Variants in NT5C3A observed in about 807,000 individuals in gnomAD.
NT5C3A encodes the protein 5'-nucleotidase, cytosolic IIIA.
In NT5C3A, 23 loss-of-function variants were observed where a neutral mutation model predicts 40.0. That is an observed-to-expected ratio of 0.58 (90% CI 0.41 to 0.81). The LOEUF (loss-of-function observed/expected upper bound fraction) is 0.81, where lower values mean the gene tolerates loss of function less well. NT5C3A is among the 40% of genes least tolerant of loss of function. NT5C3A has a pLI of 0.00. For missense variants in NT5C3A, 328 were observed against 403.0 expected (o/e 0.81, Z 1.59); for synonymous variants, 130 against 141.4 (o/e 0.92, Z 0.57).
chr7:33,041,621 T>C (rs72555727), intron 1 of NT5C3A, among the ~76,000 whole-genome samples: 41 of 152,312 alleles, frequency 2.7e-4, no homozygotes, highest in African/African-American at 9.6e-4. Context: ...TATTTTCTTA[T>C]ACTTTTAATA....
chr7:33,043,664 C>T (rs1310401420), intron 1 of NT5C3A, among the ~76,000 whole-genome samples: 1 of 152,068 alleles, frequency 6.6e-6, no homozygotes. Context: ...GTGTGCCTGT[C>T]CTGCTAGTCT....
intron 4 of NT5C3A, 29 bp downstream of exon 4, chr7:33,022,024 A>AGTGACTATAGATTGTT: frequency 1.5e-6 from 2 of 1,323,962 alleles, no homozygotes; most frequent in South Asian, 2.4e-5. Flanking sequence ...GAAGTCTTTG[A>AGTGACTATAGATTGTT]GTGACTATAG....
chr7:33,022,206 GC>G, intron 3 of NT5C3A, 107 bp from the exon 4 acceptor site: 2 of 686,704 alleles, frequency 2.9e-6, no homozygotes, highest in South Asian at 3.1e-5. Flanking sequence ...AATTACTTTT[GC>G]ACCAACCCAA....
chr7:33,021,341 T>G lies in NT5C3A; in HGVS notation c.371A>C (p.Glu124Ala). Residue 124 changes from glutamate to alanine, a missense_variant, in exon 5 of 9, where the codon GAA becomes GCA. Physicochemically the swap from Glu to Ala is moderately radical, Grantham distance 107. Transcript: ENST00000610140. ...ECRKKLLQLK[E>A]KYYAIEVDPV... The stretch of plus-strand genomic sequence containing the variant: ...ATCAACTTCAATAGCGTAATATTTT[T>G]CCTTTAGTTGCAATAACTAGGAAGA... The G allele has an allele frequency of 6.2e-7, 1 of 1,611,170 alleles. No homozygotes were observed. Among genetic ancestry groups the G allele is most frequent in the Non-Finnish European group, 8.5e-7 (1 of 1,178,098 alleles).
chr7:33,035,897 C>A lies in NT5C3A; in HGVS notation c.139-8982G>T, dbSNP rs1224163264. 7 of 1,533,668 alleles carry A rather than the reference C, an allele frequency of 4.6e-6. No individual in the cohort carries two copies. The African/African-American group carries it at 9.6e-5, about 21-fold the overall frequency. On this transcript the variant is annotated intron_variant, in intron 1 of 8. Transcript: ENST00000610140. The stretch of plus-strand genomic sequence containing the variant: ...AGAGGTAAAAGTGGTGAAGATTTAC[C>A]ATTAATAAATGGAACTGGAAATAGG...
chr7:33,047,070 T>C (rs965284140), intron 1 of NT5C3A, among the ~76,000 whole-genome samples: 2 of 151,462 alleles, frequency 1.3e-5, no homozygotes, highest in South Asian at 2.1e-4. Flanking sequence ...GCCTCCCGAA[T>C]CTTTTTATTT....
chr7:33,018,197 T>A (rs1785443645), intron 6 of NT5C3A, among the ~76,000 whole-genome samples: 1 of 152,230 alleles, frequency 6.6e-6, no homozygotes, highest in African/African-American at 2.4e-5. Context: ...TTAAAATATT[T>A]TCAGATTTTA....
intron 1 of NT5C3A, among the ~76,000 whole-genome samples, chr7:33,054,663 C>T (rs115298026): frequency 0.028 from 4,329 of 152,288 alleles, 89 homozygotes; most frequent in South Asian, 0.12. Flanking sequence ...ACCTTATATA[C>T]ATGGCCTAAA....
At chr7:33,021,757 G>C (rs1397229783) in intron 4 of NT5C3A, 2 of 434,864 alleles carry the variant, frequency 4.6e-6, no homozygotes, top group East Asian at 8.8e-5. Context: ...GAAAACTGAA[G>C]TACTTTTGTT....
intron 1 of NT5C3A, among the ~76,000 whole-genome samples, chr7:33,034,997 A>G (rs1286809221): frequency 2.0e-5 from 3 of 146,818 alleles, no homozygotes; most frequent in African/African-American, 7.7e-5. Context: ...TAAATATGCC[A>G]GTTACACAGT....
intron 3 of NT5C3A, among the ~76,000 whole-genome samples, chr7:33,023,504 C>T (rs529176707): frequency 2.0e-5 from 3 of 152,206 alleles, no homozygotes; most frequent in African/African-American, 7.2e-5. Flanking sequence ...AATGATCTGC[C>T]CGCCTCAGCT....
At chr7:33,049,893 C>T (rs907568151) in intron 1 of NT5C3A, among the ~76,000 whole-genome samples, 5 of 149,648 alleles carry the variant, frequency 3.3e-5, no homozygotes, top group African/African-American at 1.2e-4. Flanking sequence ...TGGCGTGAAC[C>T]CGGGAGATGG....
chr7:33,051,771 C>T (rs919185090), intron 1 of NT5C3A, among the ~76,000 whole-genome samples: 1 of 152,136 alleles, frequency 6.6e-6, no homozygotes, highest in African/African-American at 2.4e-5. Context: ...TATCAAAACA[C>T]ATTCCAGATG....
intron 1 of NT5C3A, among the ~76,000 whole-genome samples, chr7:33,033,569 T>G (rs1786403981): frequency 6.6e-6 from 1 of 152,102 alleles, no homozygotes; most frequent in African/African-American, 2.4e-5. Context: ...CCCAAATAAT[T>G]AATACATTGC....
Position 33,024,089 on chromosome 7 carries a change from A to G in NT5C3A, c.257T>C (p.Met86Thr), listed in dbSNP as rs765408826. The G allele has an allele frequency of 9.5e-5, 150 of 1,580,880 alleles. No homozygotes were observed. Among genetic ancestry groups the G allele is most frequent in the Non-Finnish European group, 1.3e-4 (145 of 1,150,572 alleles). ...TTTATATGAAAATCTACTGAGTGTC[A>G]TATCAAAGTCCGTTATTATCTGTAA... ...AKLQIITDFD[M>T]TLSRFSYKGK... Residue 86 changes from methionine to threonine, a missense_variant, in exon 3 of 9, where the codon ATG (methionine) becomes ACG (threonine). This residue lies in a region of NT5C3A where 280 missense variants were observed against 317.2 expected (regional missense o/e 0.88). Coordinates refer to ENST00000610140, the MANE Select transcript of NT5C3A (RefSeq NM_001002010.5).
Position 33,014,549 on chromosome 7 carries a change from T to C in NT5C3A, c.*181A>G. On this transcript the variant is annotated 3_prime_UTR_variant, in exon 9 of 9. Transcript: ENST00000610140. ...TTAAAAGATACGGTGAGGAGTGTGT[T>C]GAGAGAGGTGGAGAAAAGGAGCTTC... is the stretch of plus-strand genomic sequence containing the variant. The C allele has an allele frequency of 1.2e-6, 1 of 835,558 alleles. No individual in the cohort carries two copies. The highest frequency in any genetic ancestry group is 1.9e-6 in the Non-Finnish European group (1 of 523,168). 51.8% of individuals were successfully genotyped at this position (835,558 alleles called of 1,614,324 possible). A position where few individuals can be genotyped will look rare whatever the true frequency, so the allele number is the denominator to read the frequency against.
chr7:33,031,693 ATAAAC>A lies in NT5C3A; in HGVS notation c.139-4783_139-4779del, dbSNP rs1276040167. 2.0e-5 allele frequency among the ~76,000 whole-genome samples: 3 copies of A among 152,340 alleles called. No individual in the cohort carries two copies. In the East Asian group the frequency reaches 5.8e-4, roughly 29 times the overall value. On this transcript the variant is annotated intron_variant, in intron 1 of 8. Transcript: ENST00000610140. ...TCTTAAACTAAAAATAAAAAACAAA[ATAAAC>A]TAAGGGTTATACAATCCACAATGTA...
At chr7:33,029,006 A>G (rs1371996768) in intron 1 of NT5C3A, among the ~76,000 whole-genome samples, 2 of 152,076 alleles carry the variant, frequency 1.3e-5, no homozygotes, top group East Asian at 1.9e-4. Flanking sequence ...AAAAAAAAAG[A>G]AAGTGTAGAG....
intron 1 of NT5C3A, among the ~76,000 whole-genome samples, chr7:33,040,236 A>T (rs6415262): frequency 3.3e-5 from 5 of 151,748 alleles, no homozygotes; most frequent in Admixed American, 2.0e-4. Flanking sequence ...GGAAAAAAAA[A>T]CCTATAAAAT....
Sources: gnomAD v4.1 joint callset for allele counts (sites outside exome capture counted in the v4.1 genomes callset) on GRCh38, gnomAD v4.1.1 for gene constraint, gnomAD v4.1.1 regional missense constraint, MANE v1.5 for transcripts, NCBI Gene and HGNC (gene_info 2026-07-23, HGNC 2026-07-21) for gene names.